CCDC57: variants seen among roughly 807,000 people sequenced by gnomAD.
The protein encoded by CCDC57 is coiled-coil domain-containing protein 57.
In CCDC57, 118 loss-of-function variants were observed where a neutral mutation model predicts 118.9. The observed-to-expected ratio is 0.99, with a 90% CI of 0.86 to 1.16. CCDC57 has a LOEUF of 1.16. CCDC57 is among the 50% of genes most tolerant of loss of function. The pLI, the probability that CCDC57 is intolerant of heterozygous loss-of-function variation, is 0.00. For missense variants in CCDC57, 1,300 were observed against 1,320.7 expected, an observed-to-expected ratio of 0.98 and a Z score of 0.24; for synonymous variants, 527 against 532.9, an observed-to-expected ratio of 0.99 and a Z score of 0.15.
At chr17:82,149,872 C>G (rs1208044009) in intron 16 of CCDC57, among the ~76,000 whole-genome samples, 1 of 150,236 alleles carries the variant, frequency 6.7e-6, no homozygotes, top group Non-Finnish European at 1.5e-5. Flanking sequence ...CAGGAGCACA[C>G]CCAGAACCTG....
At chr17:82,196,977 C>T (rs1430980580) in intron 4 of CCDC57, among the ~76,000 whole-genome samples, 4 of 144,122 alleles carry the variant, frequency 2.8e-5, no homozygotes, top group Non-Finnish European at 4.5e-5. Context: ...CGCAGCCCCT[C>T]GTGACTCCTG....
At chr17:82,179,643 G>A (rs1285626102) in intron 9 of CCDC57, among the ~76,000 whole-genome samples, 2 of 152,106 alleles carry the variant, frequency 1.3e-5, no homozygotes, top group African/African-American at 4.8e-5. Flanking sequence ...GGGGATGGGA[G>A]AGCCCCCCGA....
Position 82,101,660 on chromosome 17 carries a change from G to A in CCDC57, c.*22C>T, listed in dbSNP as rs752996228. 6 of 1,564,730 alleles carry A rather than the reference G, an allele frequency of 3.8e-6. 1 individual carries two copies. In the South Asian group the frequency reaches 5.7e-5, roughly 15 times the overall value. On this transcript the variant is annotated 3_prime_UTR_variant, in exon 20 of 20. Coordinates refer to ENST00000665763, the Ensembl canonical transcript of CCDC57. ...GCGGAGGCCCCGAGCACCCCTTAGT[G>A]GGGCGGGGTGGGGGGAGGAAGTCAG...
In CCDC57 at chr17:82,193,969, A is replaced by T. The variant is rs747768430; in HGVS notation, c.776+13T>A. The T allele has an allele frequency of 6.2e-6, 10 of 1,602,094 alleles. No homozygotes were observed. The highest frequency in any genetic ancestry group is 8.5e-6 in the Non-Finnish European group (10 of 1,174,220). The stretch of plus-strand genomic sequence containing the variant: ...CCACAGAGCACGCCTCGGGAGATGA[A>T]GGACTCGCGCACCGGGCGCGGCTCA... On this transcript the variant is annotated intron_variant, in intron 6 of 19. Coordinates refer to ENST00000665763, the Ensembl canonical transcript of CCDC57.
intron 4 of CCDC57, among the ~76,000 whole-genome samples, chr17:82,197,185 CAG>C (rs1305073311): frequency 1.3e-5 from 2 of 148,612 alleles, no homozygotes; most frequent in East Asian, 2.0e-4. Flanking sequence ...GTGACTCCTG[CAG>C]AGACGCAGCC....
chr17:82,175,397 A>C (rs1278179035), intron 11 of CCDC57, among the ~76,000 whole-genome samples: 1 of 152,254 alleles, frequency 6.6e-6, no homozygotes, highest in East Asian at 1.9e-4. Flanking sequence ...AAAGGAAAAT[A>C]TCACTAAGCT....
At chr17:82,188,265 A>G in exon 8 of CCDC57, 1 of 1,570,138 alleles carries the variant, frequency 6.4e-7, no homozygotes, top group Non-Finnish European at 8.6e-7. Flanking sequence ...GCCTGTCTCC[A>G]CTCTGCCCTG....
chr17:82,133,587 G>A (rs562031595), intron 17 of CCDC57, among the ~76,000 whole-genome samples: 19 of 151,910 alleles, frequency 1.3e-4, no homozygotes, highest in African/African-American at 3.6e-4. Flanking sequence ...GGGGCTGGGC[G>A]CGGTGGTTCA....
chr17:82,195,147 C>T (rs776446597), intron 5 of CCDC57, 116 bp downstream of exon 4: 8 of 773,320 alleles, frequency 1.0e-5, no homozygotes, highest in African/African-American at 1.7e-5. Context: ...AACTCCTGGG[C>T]CCAAGGGATC....
intron 7 of CCDC57, among the ~76,000 whole-genome samples, chr17:82,188,648 C>A (rs116938601): frequency 6.6e-5 from 10 of 152,358 alleles, no homozygotes; most frequent in Admixed American, 3.9e-4. Flanking sequence ...AGCCCACAGC[C>A]CCCTGGAGAA....
chr17:82,187,919 T>C (rs2047175097), intron 8 of CCDC57, among the ~76,000 whole-genome samples: 1 of 151,994 alleles, frequency 6.6e-6, no homozygotes, highest in African/African-American at 2.4e-5. Context: ...TGAATGTGCC[T>C]AATGCCACTG....
chr17:82,165,623 C>T (rs1457238286), intron 13 of CCDC57, among the ~76,000 whole-genome samples: 1 of 152,150 alleles, frequency 6.6e-6, no homozygotes, highest in Non-Finnish European at 1.5e-5. Context: ...TGGACAAAGG[C>T]CAGCTGGGCT....
At chr17:82,134,096 C>T in exon 17 of CCDC57, 1 of 1,420,490 alleles carries the variant, frequency 7.0e-7, no homozygotes, top group Non-Finnish European at 9.2e-7. Flanking sequence ...TGGGGCTGCA[C>T]CTGTCCCAAA....
At chr17:82,105,522 C>T (rs774735899) in intron 19 of CCDC57, among the ~76,000 whole-genome samples, 2 of 152,162 alleles carry the variant, frequency 1.3e-5, no homozygotes, top group Non-Finnish European at 2.9e-5. Context: ...AGGGTCCCCA[C>T]GCCTGGGAGG....
intron 16 of CCDC57, among the ~76,000 whole-genome samples, chr17:82,136,604 A>G (rs35158616): frequency 0.46 from 69,322 of 149,260 alleles, 17,014 homozygotes; most frequent in East Asian, 0.88. Flanking sequence ...AAAAAAGAAA[A>G]CTAGTTTTTT....
At chr17:82,179,675 G>A (rs1372605765) in intron 9 of CCDC57, among the ~76,000 whole-genome samples, 1 of 152,084 alleles carries the variant, frequency 6.6e-6, no homozygotes, top group Admixed American at 6.6e-5. Flanking sequence ...GGGACAGAGG[G>A]GTGGGAACGC....
At chr17:82,195,126 C>G (rs1026726170) in intron 5 of CCDC57, 137 bp downstream of exon 4, 2 of 696,674 alleles carry the variant, frequency 2.9e-6, no homozygotes, top group African/African-American at 1.8e-5. Flanking sequence ...CCCACCTGCT[C>G]GCTGGGCTTG....
chr17:82,174,463 G>C (rs1305756057), intron 11 of CCDC57, among the ~76,000 whole-genome samples: 3 of 152,178 alleles, frequency 2.0e-5, no homozygotes, highest in Non-Finnish European at 4.4e-5. Context: ...CTCTCTAGCT[G>C]GGAAAGCCGG....
At chr17:82,131,511 T>G (rs1285396322) in intron 17 of CCDC57, among the ~76,000 whole-genome samples, 1 of 151,414 alleles carries the variant, frequency 6.6e-6, no homozygotes, top group Non-Finnish European at 1.5e-5. Flanking sequence ...GAGGCAGAGG[T>G]GGGCAAATTG....
Sources: allele counts gnomAD v4.1 joint callset (sites outside exome capture counted in the v4.1 genomes callset), GRCh38; gene constraint gnomAD v4.1.1; transcripts MANE v1.5; gene names NCBI Gene and HGNC (gene_info 2026-07-23, HGNC 2026-07-21).